SCUBE1: variants seen among roughly 807,000 people sequenced by gnomAD.
The protein encoded by SCUBE1 is signal peptide, CUB domain and EGF like domain containing 1, also known as signal peptide, CUB and EGF-like domain-containing protein 1.
A neutral mutation model predicts 124.4 loss-of-function variants in SCUBE1; 59 were observed. The observed-to-expected ratio is 0.47, with a 90% CI of 0.38 to 0.59. The LOEUF (loss-of-function observed/expected upper bound fraction) is 0.59, where lower values mean the gene tolerates loss of function less well. SCUBE1 is among the 20% of genes least tolerant of loss of function. The pLI is 0.00. For synonymous variants in SCUBE1, 545 were observed against 550.9 expected (o/e 0.99, Z 0.15); for missense variants, 1,150 against 1,371.2 (o/e 0.84, Z 2.55).
At chr22:43,237,238 G>A (rs73886460) in intron 7 of SCUBE1, among the ~76,000 whole-genome samples, 268 of 152,336 alleles carry the variant, frequency 1.8e-3, no homozygotes, top group African/African-American at 6.3e-3. Context: ...GGGGGCAGCA[G>A]TGGGAGCCCC....
rs1166620569 is a variant in SCUBE1, at chr22:43,211,715, G to A, written c.2222-632C>T. On this transcript the variant is annotated intron_variant, in intron 17 of 21. Coordinates refer to ENST00000360835, the MANE Select transcript of SCUBE1 (RefSeq NM_173050.5). The surrounding 1 kb of genome is among the most constrained non-coding windows in gnomAD (Gnocchi z 4.5). ...TTGTATTTTTTTTAAGTAGAGACAG[G>A]GTTTTGCCATGCTAGCCGGGCTGGC... Among the ~76,000 whole-genome samples the A allele has an allele frequency of 1.3e-5, 2 of 152,078 alleles. No homozygotes were observed. The highest frequency in any genetic ancestry group is 4.8e-5 in the African/African-American group (2 of 41,394).
chr22:43,252,189 A>AC (rs1923477623), intron 6 of SCUBE1, among the ~76,000 whole-genome samples: 1 of 152,142 alleles, frequency 6.6e-6, no homozygotes, highest in Non-Finnish European at 1.5e-5. Context: ...GCAGCCGAGA[A>AC]CCCAGTGGCC....
intron 2 of SCUBE1, among the ~76,000 whole-genome samples, chr22:43,330,200 G>T (rs1926861498): frequency 6.6e-6 from 1 of 152,188 alleles, no homozygotes; most frequent in Admixed American, 6.5e-5. Flanking sequence ...TGTGATGGAT[G>T]AGGAAACCAG....
rs1923637388 is a variant in SCUBE1, at chr22:43,255,780, G to T, written c.727+2439C>A. 6.6e-6 allele frequency among the ~76,000 whole-genome samples: 1 copy of T among 152,172 alleles called. No individual in the cohort carries two copies. Among genetic ancestry groups the T allele is most frequent in the South Asian group, 2.1e-4 (1 of 4,832 alleles). ...GCAAAGCAGAGAGGCAGCGAGGGCG[G>T]GGGCGGGGGGACGTGCAGGAAAGGA... On this transcript the variant is annotated intron_variant, in intron 6 of 21. Coordinates refer to ENST00000360835, the MANE Select transcript of SCUBE1 (RefSeq NM_173050.5). This position sits in a 1 kb window ranked among gnomAD's most constrained non-coding sequence, Gnocchi z 4.7.
At chr22:43,254,492 T>A (rs1923582289) in intron 6 of SCUBE1, among the ~76,000 whole-genome samples, 1 of 152,186 alleles carries the variant, frequency 6.6e-6, no homozygotes. Context: ...GACCTTCACA[T>A]GGCCCTGCAA....
chr22:43,318,686 T>C (rs1282197767), intron 3 of SCUBE1, among the ~76,000 whole-genome samples: 1 of 152,168 alleles, frequency 6.6e-6, no homozygotes, highest in South Asian at 2.1e-4. Context: ...CCTACTCTTC[T>C]CCTTTTTTCC....
chr22:43,227,831 G>A (rs965397059), intron 9 of SCUBE1, among the ~76,000 whole-genome samples: 3 of 152,166 alleles, frequency 2.0e-5, no homozygotes, highest in African/African-American at 7.2e-5. Context: ...CTGCTCCAGG[G>A]ATTGTGAAAC....
At chr22:43,246,990 A>C (rs1710064018) in intron 6 of SCUBE1, among the ~76,000 whole-genome samples, 1 of 152,162 alleles carries the variant, frequency 6.6e-6, no homozygotes, top group South Asian at 2.1e-4. Flanking sequence ...TCCAGGTTAC[A>C]GGCACCAGGC....
At chr22:43,233,681 T>G (rs1354767157) in intron 7 of SCUBE1, 2 of 152,354 alleles carry the variant, frequency 1.3e-5, no homozygotes, top group Non-Finnish European at 2.9e-5. Context: ...AACTTGTTCC[T>G]GGCACTGCTA....
intron 2 of SCUBE1, among the ~76,000 whole-genome samples, chr22:43,326,767 C>G (rs1023456657): frequency 3.3e-5 from 5 of 152,082 alleles, no homozygotes; most frequent in Non-Finnish European, 5.9e-5. Context: ...GCTCAGTGAC[C>G]TCTCCCAGTC....
intron 6 of SCUBE1, among the ~76,000 whole-genome samples, chr22:43,252,922 A>T (rs896768103): frequency 7.3e-6 from 1 of 137,238 alleles, no homozygotes. Flanking sequence ...TTAATACAAC[A>T]TTGGGGCAGG....
Position 43,198,412 on chromosome 22 carries a change from C to CT in SCUBE1, c.*5584dup, listed in dbSNP as rs1445582213. On this transcript the variant is annotated 3_prime_UTR_variant, in exon 22 of 22. Coordinates refer to ENST00000360835, the MANE Select transcript of SCUBE1 (RefSeq NM_173050.5). ...GGATGCTTTGCCCACACCTGATGTC[C>CT]TTTCCAAGAGCAAGGCAGGTGGGAT... 7.7e-6 allele frequency: 3 copies of CT among 389,544 alleles called. No individual in the cohort carries two copies. The Admixed American group carries it at 8.6e-5, about 11-fold the overall frequency. 24.1% of individuals were successfully genotyped at this position (389,544 alleles called of 1,614,324 possible). A position where few individuals can be genotyped will look rare whatever the true frequency, so the allele number is the denominator to read the frequency against.
rs966921313 is a variant in SCUBE1 at position 43,225,190 on chromosome 22, C to A, written c.1208-1974G>T. ...TCTTCACCAGCCACTTATCGCATCA[C>A]CCCCCCACTCCTGCCCCTCCATCTC... On this transcript the variant is annotated intron_variant, in intron 10 of 21. Coordinates refer to ENST00000360835, the MANE Select transcript of SCUBE1 (RefSeq NM_173050.5). 9.1e-5 allele frequency among the ~76,000 whole-genome samples: 12 copies of A among 131,820 alleles called. No homozygotes were observed. In the East Asian group the frequency reaches 1.2e-3, roughly 13 times the overall value. 86.5% of individuals were successfully genotyped at this position (131,820 alleles called of 152,430 possible).
rs565398635 is a variant in SCUBE1, at chr22:43,255,781, G to A, written c.727+2438C>T. Among the ~76,000 whole-genome samples, 1 of 152,324 alleles carries A rather than the reference G, an allele frequency of 6.6e-6. No homozygotes were observed. The highest frequency in any genetic ancestry group is 1.5e-5 in the Non-Finnish European group (1 of 68,022). ...CAAAGCAGAGAGGCAGCGAGGGCGG[G>A]GGCGGGGGGACGTGCAGGAAAGGAG... On this transcript the variant is annotated intron_variant, in intron 6 of 21. Transcript: ENST00000360835. The surrounding 1 kb of genome is among the most constrained non-coding windows in gnomAD (Gnocchi z 4.7).
At chr22:43,277,161 C>T (rs1442146919) in intron 4 of SCUBE1, among the ~76,000 whole-genome samples, 2 of 151,952 alleles carry the variant, frequency 1.3e-5, no homozygotes, top group African/African-American at 4.8e-5. Flanking sequence ...TCTCAGTGAG[C>T]GATGGTCAGT....
chr22:43,248,970 G>T (rs942154063), intron 6 of SCUBE1, among the ~76,000 whole-genome samples: 2 of 150,826 alleles, frequency 1.3e-5, no homozygotes, highest in East Asian at 1.9e-4. Flanking sequence ...TGTGCCCTGA[G>T]GGGGGGCACC....
rs1921485363 is a variant in SCUBE1 at position 43,210,238 on chromosome 22, G to T, written c.2386C>A (p.Gln796Lys). 1.3e-6 allele frequency: 2 copies of T among 1,536,550 alleles called. No individual in the cohort carries two copies. The highest frequency in any genetic ancestry group is 1.7e-6 in the Non-Finnish European group (2 of 1,143,596). ...GSTNVTHCKNQHCGGELGDYT... is the reference protein window; with the variant it reads ...GSTNVTHCKNKHCGGELGDYT... ...TCACCAAGCTCGCCGCCGCAGTGCT[G>T]GTCTGTGGGCACAGTGGCCCGAGGG... The change falls in exon 19 of 22, where the codon CAG becomes AAG. Residue 796 changes from glutamine to lysine, a missense_variant and splice_region_variant. Coordinates refer to ENST00000360835, the MANE Select transcript of SCUBE1 (RefSeq NM_173050.5). The surrounding 1 kb of genome is among the most constrained non-coding windows in gnomAD (Gnocchi z 4.5).
At chr22:43,249,462 G>T (rs1018723400) in intron 6 of SCUBE1, among the ~76,000 whole-genome samples, 3 of 152,164 alleles carry the variant, frequency 2.0e-5, no homozygotes, top group African/African-American at 4.8e-5. Context: ...GACACAGTGT[G>T]TGCCCCCTAA....
intron 9 of SCUBE1, 67 bp downstream of exon 9, chr22:43,229,005 T>G (rs1257435871): frequency 7.5e-5 from 85 of 1,132,894 alleles, no homozygotes; most frequent in Non-Finnish European, 1.0e-4. Flanking sequence ...CGGGGTGCAG[T>G]GTAGGTGGCC....
Sources: allele counts gnomAD v4.1 joint callset (sites outside exome capture counted in the v4.1 genomes callset), GRCh38; gene constraint gnomAD v4.1.1; non-coding constraint Gnocchi (gnomAD v3.1); transcripts MANE v1.5; gene names NCBI Gene and HGNC (gene_info 2026-07-23, HGNC 2026-07-21).